Variants in RSU1 observed in about 807,000 individuals in gnomAD.
The protein encoded by RSU1 is Ras suppressor protein 1, also known as rsu-1.
In RSU1, 26 loss-of-function variants were observed where a neutral mutation model predicts 31.1. That is an observed-to-expected ratio of 0.84 (90% CI 0.61 to 1.16). The LOEUF (loss-of-function observed/expected upper bound fraction) is 1.16, where lower values mean the gene tolerates loss of function less well. Among genes scored for constraint, RSU1 ranks in the 50% most tolerant of loss-of-function variants. RSU1 has a pLI of 0.00. For synonymous variants in RSU1, 164 were observed against 136.3 expected (o/e 1.20, Z -1.41); for missense variants, 320 against 339.1 (o/e 0.94, Z 0.44).
chr10:16,788,934 G>T, intron 2 of RSU1, among the ~76,000 whole-genome samples: 1 of 152,182 alleles, frequency 6.6e-6, no homozygotes, highest in East Asian at 1.9e-4. Flanking sequence ...AATTAGCAGT[G>T]TCTCACACCT....
chr10:16,623,356 A>ATT (rs771507157), intron 8 of RSU1, among the ~76,000 whole-genome samples: 6 of 152,110 alleles, frequency 3.9e-5, no homozygotes, highest in Non-Finnish European at 8.8e-5. Context: ...GCTGCAAAGG[A>ATT]TGTAATCTCA....
chr10:16,722,873 T>TAGACACAC (rs1165444421), intron 7 of RSU1, among the ~76,000 whole-genome samples: 213 of 143,924 alleles, frequency 1.5e-3, no homozygotes, highest in African/African-American at 4.9e-3. Flanking sequence ...TATATGTATA[T>TAGACACAC]ATACACACAT....
intron 8 of RSU1, among the ~76,000 whole-genome samples, chr10:16,684,553 A>G (rs778101430): frequency 1.3e-5 from 2 of 152,120 alleles, no homozygotes; most frequent in Non-Finnish European, 2.9e-5. Context: ...ATACCTAGAG[A>G]GATGATGATG....
intron 8 of RSU1, among the ~76,000 whole-genome samples, chr10:16,611,880 G>A (rs12247824): frequency 0.13 from 19,222 of 152,258 alleles, 1,308 homozygotes; most frequent in Non-Finnish European, 0.16. Flanking sequence ...CTGTGTGAAA[G>A]TTATAATGTA....
At chr10:16,712,960 GT>G (rs1247890006) in intron 7 of RSU1, among the ~76,000 whole-genome samples, 1 of 152,076 alleles carries the variant, frequency 6.6e-6, no homozygotes, top group Non-Finnish European at 1.5e-5. Context: ...GGATAACTTT[GT>G]TGGATATAAT....
At chr10:16,793,447 T>C (rs1467536488) in intron 2 of RSU1, among the ~76,000 whole-genome samples, 1 of 152,084 alleles carries the variant, frequency 6.6e-6, no homozygotes, top group East Asian at 1.9e-4. Context: ...TGGTCACTAA[T>C]TGGAGTCTAT....
intron 8 of RSU1, among the ~76,000 whole-genome samples, chr10:16,594,765 CTATTATA>C (rs1343453058): frequency 7.0e-6 from 1 of 142,630 alleles, no homozygotes; most frequent in Non-Finnish European, 1.5e-5. Flanking sequence ...ACTATATTAT[CTATTATA>C]TATCATATAT....
chr10:16,814,528 A>G (rs1331567913), intron 2 of RSU1, among the ~76,000 whole-genome samples: 1 of 151,880 alleles, frequency 6.6e-6, no homozygotes, highest in South Asian at 2.1e-4. Context: ...TAATACTTGT[A>G]TATATTAAGC....
At chr10:16,752,727 G>T (rs1837004508) in intron 6 of RSU1, 74 bp from the exon 7 acceptor site, 1 of 1,174,988 alleles carries the variant, frequency 8.5e-7, no homozygotes, top group Non-Finnish European at 1.3e-6. Context: ...CATCCTCTAT[G>T]TCCTCTCTTC....
intron 7 of RSU1, among the ~76,000 whole-genome samples, chr10:16,711,731 C>T (rs1396108283): frequency 2.0e-5 from 3 of 152,170 alleles, no homozygotes; most frequent in Non-Finnish European, 4.4e-5. Context: ...TAGTTTCATA[C>T]CACTGTGGTT....
At chr10:16,617,129 C>T (rs576416076) in intron 8 of RSU1, among the ~76,000 whole-genome samples, 2 of 152,328 alleles carry the variant, frequency 1.3e-5, no homozygotes, top group South Asian at 4.1e-4. Flanking sequence ...TAAGCAACTT[C>T]AGCAAAGTCT....
intron 8 of RSU1, among the ~76,000 whole-genome samples, chr10:16,594,588 T>A (rs946640583): frequency 5.0e-4 from 73 of 147,440 alleles, no homozygotes; most frequent in Admixed American, 8.2e-4. Flanking sequence ...TTAAAAAAAA[T>A]ATATATATCA....
intron 7 of RSU1, among the ~76,000 whole-genome samples, chr10:16,717,157 T>A (rs538572317): frequency 6.6e-6 from 1 of 152,326 alleles, no homozygotes; most frequent in Admixed American, 6.5e-5. Flanking sequence ...ACTTAAGTTA[T>A]ATGTAAAAAT....
Position 16,690,568 on chromosome 10 carries a change from C to A in RSU1, c.731+4455G>T, listed in dbSNP as rs185770153. Among the ~76,000 whole-genome samples, 311 of 147,760 alleles carry A rather than the reference C, an allele frequency of 2.1e-3. 3 individuals are homozygous for A. Among genetic ancestry groups the A allele is most frequent in the African/African-American group, 7.4e-3 (302 of 40,656 alleles). ...CCATCTTCATGAAGCTAAGTCATCT[C>A]CAAGTATTTTAATTCTGTTGACACA... On this transcript the variant is annotated intron_variant, in intron 8 of 8. Transcript: ENST00000345264.
chr10:16,795,863 C>T (rs762074782), intron 2 of RSU1, among the ~76,000 whole-genome samples: 8 of 152,174 alleles, frequency 5.3e-5, no homozygotes, highest in Admixed American at 3.9e-4. Context: ...GGTGAGGCAC[C>T]GGCACCCTCT....
At chr10:16,713,362 A>G (rs1588487183) in intron 7 of RSU1, among the ~76,000 whole-genome samples, 1 of 152,182 alleles carries the variant, frequency 6.6e-6, no homozygotes, top group Non-Finnish European at 1.5e-5. Flanking sequence ...ATGGTATCGC[A>G]TGAGTCCCAC....
At chr10:16,766,183 C>A (rs753663316) in intron 3 of RSU1, among the ~76,000 whole-genome samples, 3 of 152,206 alleles carry the variant, frequency 2.0e-5, no homozygotes, top group Non-Finnish European at 2.9e-5. Flanking sequence ...GAGCAGTGGT[C>A]TAGTGAGCGG....
At chr10:16,619,806 A>G (rs1834038133) in intron 8 of RSU1, among the ~76,000 whole-genome samples, 1 of 152,244 alleles carries the variant, frequency 6.6e-6, no homozygotes, top group Non-Finnish European at 1.5e-5. Flanking sequence ...GTAAAAATAT[A>G]TTGCAACCCA....
chr10:16,799,979 AAAT>A (rs1395147555), intron 2 of RSU1, among the ~76,000 whole-genome samples: 3 of 152,132 alleles, frequency 2.0e-5, no homozygotes, highest in African/African-American at 7.2e-5. Flanking sequence ...GGGTCCTATA[AAAT>A]AATACGGAAT....
Sources: allele counts gnomAD v4.1 joint callset (sites outside exome capture counted in the v4.1 genomes callset), GRCh38; gene constraint gnomAD v4.1.1; transcripts MANE v1.5; gene names NCBI Gene and HGNC (gene_info 2026-07-23, HGNC 2026-07-21).